The following NCOR2 variants were observed in gnomAD, a reference collection of about 807,000 sequenced individuals.
The protein encoded by NCOR2 is CTG repeat protein 26.
In NCOR2, 81 loss-of-function variants were observed where a neutral mutation model predicts 262.9. That is an observed-to-expected ratio of 0.31 (90% CI 0.26 to 0.37). The LOEUF (loss-of-function observed/expected upper bound fraction) is 0.37, where lower values mean the gene tolerates loss of function less well. Ranked by LOEUF, NCOR2 falls within the 10% of genes least tolerant of loss-of-function variation. The pLI is 1.00. For missense variants in NCOR2, 3,385 were observed against 3,621.4 expected, an observed-to-expected ratio of 0.93 and a Z score of 1.68; for synonymous variants, 1,659 against 1,559.3, an observed-to-expected ratio of 1.06 and a Z score of -1.51.
intron 1 of NCOR2, among the ~76,000 whole-genome samples, chr12:124,559,531 C>T (rs2052000931): frequency 6.6e-6 from 1 of 152,242 alleles, no homozygotes; most frequent in Non-Finnish European, 1.5e-5. Flanking sequence ...CCTCTGGTTT[C>T]CTCCTATGGA....
At chr12:124,353,949 T>C in intron 27 of NCOR2, 144 bp downstream of exon 29, 2 of 752,678 alleles carry the variant, frequency 2.7e-6, no homozygotes, top group East Asian at 5.4e-5. Flanking sequence ...GCAGACTAGA[T>C]GAAAGTTCAT....
chr12:124,339,897 A>ACCCCCCTC, intron 37 of NCOR2, 109 bp downstream of exon 39: 1 of 176,236 alleles, frequency 5.7e-6, no homozygotes, highest in Non-Finnish European at 1.1e-5. Context: ...ACATCTGCCC[A>ACCCCCCTC]CCCACCCACC....
chr12:124,419,871 G>T (rs2043117712), intron 13 of NCOR2, 86 bp downstream of exon 15: 2 of 1,218,936 alleles, frequency 1.6e-6, no homozygotes, highest in Non-Finnish European at 2.4e-6. Context: ...GTTACCGCCA[G>T]CCATGCGGGG....
Position 124,440,365 on chromosome 12 carries a change from G to A in NCOR2, c.816-2369C>T, listed in dbSNP as rs55802264. ...GGGCCTGGAATCCACCTCAGTCCCC[G>A]GGTCATTCTGGTGGTGACTTGGCCA... is the stretch of plus-strand genomic sequence containing the variant. On this transcript the variant is annotated intron_variant, in intron 7 of 46. Transcript: ENST00000405201. This position sits in a 1 kb window ranked among gnomAD's most constrained non-coding sequence, Gnocchi z 5.7. 2.5e-3 allele frequency among the ~76,000 whole-genome samples: 384 copies of A among 152,216 alleles called. 5 individuals carry two copies. In the South Asian group the frequency reaches 0.033, roughly 13 times the overall value.
Position 124,370,263 on chromosome 12 carries a change from G to C in NCOR2, c.2807+1759C>G, listed in dbSNP as rs144435908. Among the ~76,000 whole-genome samples the C allele has an allele frequency of 7.8e-3, 1,190 of 152,358 alleles. 17 individuals are homozygous for C. The highest frequency in any genetic ancestry group is 0.024 in the African/African-American group (1,013 of 41,592). On this transcript the variant is annotated intron_variant, in intron 20 of 46. Coordinates refer to ENST00000405201, the Ensembl canonical transcript of NCOR2. ...CAGGCCTTTGCTCATCACAGGGTCA[G>C]GGTCAGGCCGTCCACTTCTCACACG...
chr12:124,526,307 G>T (rs1305336013), intron 1 of NCOR2, among the ~76,000 whole-genome samples: 2 of 152,194 alleles, frequency 1.3e-5, no homozygotes, highest in Non-Finnish European at 2.9e-5. Flanking sequence ...CCAGGGGAAT[G>T]TGTGAACCCC....
intron 1 of NCOR2, among the ~76,000 whole-genome samples, chr12:124,491,422 G>T (rs1045026284): frequency 6.6e-6 from 1 of 152,178 alleles, no homozygotes; most frequent in Admixed American, 6.5e-5. Flanking sequence ...AAGGCCACTT[G>T]CCCCCTGTTT....
chr12:124,349,308 G>A (rs539283986), intron 28 of NCOR2, among the ~76,000 whole-genome samples: 114 of 152,272 alleles, frequency 7.5e-4, no homozygotes, highest in African/African-American at 2.6e-3. Context: ...AATGAGCCCC[G>A]GGAGCCCCCG....
chr12:124,453,044 A>G (rs2045642403), intron 6 of NCOR2, among the ~76,000 whole-genome samples: 1 of 152,108 alleles, frequency 6.6e-6, no homozygotes, highest in South Asian at 2.1e-4. Flanking sequence ...GGCTGAGGAC[A>G]GCCATCTTGG....
intron 39 of NCOR2, 21 bp from the exon 42 acceptor site, chr12:124,335,301 G>T: frequency 6.4e-7 from 1 of 1,559,288 alleles, no homozygotes; most frequent in South Asian, 1.2e-5. Flanking sequence ...AGCAGAGCTG[G>T]TCAGGGGGTG....
chr12:124,564,667 C>G (rs2052176237), intron 1 of NCOR2, among the ~76,000 whole-genome samples: 1 of 152,050 alleles, frequency 6.6e-6, no homozygotes, highest in African/African-American at 2.4e-5. Flanking sequence ...CAGGAGAACC[C>G]TCCGGCTGGG....
intron 37 of NCOR2, among the ~76,000 whole-genome samples, chr12:124,338,722 C>G (rs1454759059): frequency 1.3e-5 from 2 of 151,940 alleles, no homozygotes; most frequent in East Asian, 3.9e-4. Context: ...CCGGGAAAGT[C>G]TTTCCTCACA....
rs1053773445 is a variant in NCOR2 at position 124,523,178 on chromosome 12, T to C, written c.-118+12387A>G. Among the ~76,000 whole-genome samples, 3 of 152,164 alleles carry C rather than the reference T, an allele frequency of 2.0e-5. No homozygotes were observed. The highest frequency in any genetic ancestry group is 4.8e-5 in the African/African-American group (2 of 41,442). On this transcript the variant is annotated intron_variant, in intron 1 of 46. Transcript: ENST00000404621. The surrounding 1 kb of genome is among the most constrained non-coding windows in gnomAD (Gnocchi z 4.0). ...GTTTTTCTGCATGTTGTTTTTATTT[T>C]TAAAAGGGGCCGCCCCCACCCACAG...
exon 21 of NCOR2, chr12:124,363,785 C>A: frequency 2.2e-6 from 3 of 1,368,598 alleles, no homozygotes; most frequent in Non-Finnish European, 2.9e-6. Flanking sequence ...GAGGCTGGGC[C>A]TTGGGGACAG....
At chr12:124,386,335 G>T (rs1018316705) in intron 16 of NCOR2, among the ~76,000 whole-genome samples, 4 of 152,048 alleles carry the variant, frequency 2.6e-5, no homozygotes, top group Admixed American at 6.5e-5. Flanking sequence ...GCGAGGCCTC[G>T]GGAGACGGGT....
intron 25 of NCOR2, 80 bp from the exon 28 acceptor site, chr12:124,354,662 G>C (rs1352082349): frequency 7.2e-7 from 1 of 1,388,916 alleles, no homozygotes; most frequent in East Asian, 2.5e-5. Context: ...ACCTGAGCCA[G>C]GGGCTGGGAA....
At chr12:124,382,951 A>C (rs1479334858) in intron 17 of NCOR2, among the ~76,000 whole-genome samples, 2 of 152,230 alleles carry the variant, frequency 1.3e-5, no homozygotes, top group African/African-American at 2.4e-5. Context: ...GGACCCAGTC[A>C]CTAAGCGGCA....
chr12:124,492,579 A>G (rs2048146962), intron 1 of NCOR2, among the ~76,000 whole-genome samples: 1 of 152,274 alleles, frequency 6.6e-6, no homozygotes, highest in East Asian at 1.9e-4. Flanking sequence ...GGCCTCGGCT[A>G]CTGTACGAGG....
intron 16 of NCOR2, among the ~76,000 whole-genome samples, chr12:124,395,509 G>C (rs887897321): frequency 2.0e-5 from 3 of 152,216 alleles, no homozygotes; most frequent in Non-Finnish European, 4.4e-5. Context: ...GCTCACTGCC[G>C]TCTCCATGGG....
Sources: gnomAD v4.1 joint callset for allele counts (sites outside exome capture counted in the v4.1 genomes callset) on GRCh38, gnomAD v4.1.1 for gene constraint, Gnocchi (gnomAD v3.1) non-coding constraint, MANE v1.5 for transcripts, NCBI Gene and HGNC (gene_info 2026-07-23, HGNC 2026-07-21) for gene names.